Variants in SHC2 observed in about 807,000 individuals in gnomAD.
SHC2 encodes the protein SHC adaptor protein 2, also known as SHC-transforming protein 2.
SHC2 carries 62 observed loss-of-function variants against 60.6 expected under a neutral mutation model. The observed-to-expected ratio is 1.02, with a 90% CI of 0.83 to 1.26. The LOEUF (loss-of-function observed/expected upper bound fraction) is 1.26, where lower values mean the gene tolerates loss of function less well. Among genes scored for constraint, SHC2 ranks in the 50% most tolerant of loss-of-function variants. SHC2 has a pLI of 0.00. For synonymous variants in SHC2, 375 were observed against 372.4 expected (o/e 1.01, Z -0.08); for missense variants, 873 against 822.2 (o/e 1.06, Z -0.76).
intron 9 of SHC2, among the ~76,000 whole-genome samples, chr19:428,302 C>A (rs888532482): frequency 5.9e-5 from 9 of 152,190 alleles, no homozygotes; most frequent in African/African-American, 1.7e-4. Context: ...TGAAATGGCC[C>A]GAGTGCCCCT....
intron 12 of SHC2, among the ~76,000 whole-genome samples, chr19:418,338 G>A (rs1045361464): frequency 7.9e-5 from 12 of 152,252 alleles, no homozygotes; most frequent in Non-Finnish European, 1.6e-4. Flanking sequence ...GCCGACCGCA[G>A]TGTCACGGTC....
chr19:451,891 C>T (rs889726503), intron 1 of SHC2, among the ~76,000 whole-genome samples: 1 of 152,184 alleles, frequency 6.6e-6, no homozygotes, highest in Non-Finnish European at 1.5e-5. Flanking sequence ...GCCTCCGTGC[C>T]TGGCAGCATC....
Position 460,653 on chromosome 19 carries a change from C to A in SHC2, c.344G>T (p.Gly115Val), listed in dbSNP as rs1227439756. 2.6e-6 allele frequency: 3 copies of A among 1,166,960 alleles called. No homozygotes were observed. Among genetic ancestry groups the A allele is most frequent in the Non-Finnish European group, 3.2e-6 (3 of 947,238 alleles). 72.3% of individuals were successfully genotyped at this position (1,166,960 alleles called of 1,614,324 possible). ...RGSRGGRGAA[G>V]SGDAAAAAEW... ...GGCGGCGGCGGCGGCGTCCCCGGAC[C>A]CCGCCGCCCCCCGCCCGCCCCGCGA... is the stretch of plus-strand genomic sequence containing the variant. The change falls in exon 1 of 13, where the codon GGG (glycine) becomes GTG (valine). Residue 115 changes from glycine (G) to valine (V), a missense_variant. By Grantham distance (109) the Gly-to-Val change is moderately radical (BLOSUM62 -3). Transcript: ENST00000264554.
intron 9 of SHC2, among the ~76,000 whole-genome samples, chr19:427,800 ACAGCACACGGAAGGGGG>A (rs1974459306): frequency 1.0e-5 from 1 of 96,448 alleles, no homozygotes; most frequent in African/African-American, 4.3e-5. Flanking sequence ...GGGACGGCGC[ACAGCACACGGAAGGGGG>A]CGGCACAGGG....
chr19:450,393 C>T lies in SHC2; in HGVS notation c.469-9461G>A, dbSNP rs80111375. Among the ~76,000 whole-genome samples, 222 of 152,340 alleles carry T rather than the reference C, an allele frequency of 1.5e-3. 5 individuals carry two copies. The East Asian group carries it at 0.025, about 17-fold the overall frequency. ...AGAGTTTTGACTGTCTTTAATCGCA[C>T]GGTTCAGTGGCACTCAGCGCATTCC... On this transcript the variant is annotated intron_variant, in intron 1 of 12. Transcript: ENST00000264554.
At chr19:447,308 G>A (rs1351406333) in intron 1 of SHC2, among the ~76,000 whole-genome samples, 2 of 152,154 alleles carry the variant, frequency 1.3e-5, no homozygotes, top group Non-Finnish European at 2.9e-5. Flanking sequence ...GATGGGGAGG[G>A]GGTGGAGGGG....
Position 441,647 on chromosome 19 carries a change from CA to C in SHC2, c.469-716del, listed in dbSNP as rs954737179. 3.3e-5 allele frequency among the ~76,000 whole-genome samples: 5 copies of C among 152,178 alleles called. No individual in the cohort carries two copies. The highest frequency in any genetic ancestry group is 1.2e-4 in the African/African-American group (5 of 41,436). ...AAATGTCCTACAGAGGCAGCAAGAG[CA>C]TGTGTGGGTGCCAGGAGCCGGGGAA... is the stretch of plus-strand genomic sequence containing the variant. On this transcript the variant is annotated intron_variant, in intron 1 of 12. Transcript: ENST00000264554. The surrounding 1 kb of genome is among the most constrained non-coding windows in gnomAD (Gnocchi z 4.9).
intron 1 of SHC2, among the ~76,000 whole-genome samples, chr19:459,657 A>T (rs931568344): frequency 6.6e-6 from 1 of 152,136 alleles, no homozygotes; most frequent in Non-Finnish European, 1.5e-5. Context: ...GTGTAGAGGG[A>T]AGGACCCTAC....
chr19:442,635 ATGGATGGATGGG>A (rs1307317073), intron 1 of SHC2, among the ~76,000 whole-genome samples: 1 of 50,638 alleles, frequency 2.0e-5, no homozygotes, highest in Non-Finnish European at 3.0e-5. Context: ...GAATGGGTGG[ATGGATGGATGGG>A]TGGATGGATG....
At chr19:420,755 G>C (rs8112380) in intron 11 of SHC2, among the ~76,000 whole-genome samples, 1 of 151,980 alleles carries the variant, frequency 6.6e-6, no homozygotes, top group South Asian at 2.1e-4. Context: ...GTATATCTTA[G>C]AACTGAAGCA....
Position 436,578 on chromosome 19 carries a change from C to T in SHC2, c.774+52G>A, listed in dbSNP as rs11882638. 3.4e-4 allele frequency: 544 copies of T among 1,589,702 alleles called. 2 individuals carry two copies. In the African/African-American group the frequency reaches 4.5e-3, roughly 13 times the overall value. On this transcript the variant is annotated intron_variant, in intron 5 of 12. Coordinates refer to ENST00000264554, the MANE Select transcript of SHC2 (RefSeq NM_012435.3). ...TCTGGGGAAGGATGAGAGGGTCTCG[C>T]GGCCGGAGGGGGGCGGCAGGGCTGC...
At chr19:458,763 G>A (rs1600335553) in intron 1 of SHC2, among the ~76,000 whole-genome samples, 1 of 145,328 alleles carries the variant, frequency 6.9e-6, no homozygotes, top group Non-Finnish European at 1.5e-5. Context: ...GTCCCGGGGA[G>A]GCGGAGGCGG....
chr19:416,666 G>A lies in SHC2; in HGVS notation c.*662C>T, dbSNP rs73916969. On this transcript the variant is annotated 3_prime_UTR_variant, in exon 13 of 13. Coordinates refer to ENST00000264554, the MANE Select transcript of SHC2 (RefSeq NM_012435.3). ...GGTCGACAGCTGGGAGGGCAGGACT[G>A]GGGGGAAGCTGCTGGGCGCAGCCCA... The A allele has an allele frequency of 9.2e-5, 14 of 152,246 alleles. No individual in the cohort carries two copies. The highest frequency in any genetic ancestry group is 3.9e-4 in the East Asian group (2 of 5,176). 9.4% of individuals were successfully genotyped at this position (152,246 alleles called of 1,614,324 possible).
Position 446,657 on chromosome 19 carries a change from G to A in SHC2, c.469-5725C>T, listed in dbSNP as rs547406182. Among the ~76,000 whole-genome samples, 729 of 152,162 alleles carry A rather than the reference G, an allele frequency of 4.8e-3. 5 individuals are homozygous for A. Among genetic ancestry groups the A allele is most frequent in the Non-Finnish European group, 7.6e-3 (516 of 68,002 alleles). On this transcript the variant is annotated intron_variant, in intron 1 of 12. Coordinates refer to ENST00000264554, the MANE Select transcript of SHC2 (RefSeq NM_012435.3). This position sits in a 1 kb window ranked among gnomAD's most constrained non-coding sequence, Gnocchi z 5.4. ...TGTGGTGGTTTGTGGTGGCAGCCCC[G>A]GGACCCTCCCACAGAAGATGGGGAG...
Position 460,550 on chromosome 19 carries a change from G to A in SHC2, c.447C>T (p.Pro149=), listed in dbSNP as rs1469242068. ...TCACCCGCACGACGTAGGAGACCCC[G>A]GGCCCCAGGACCCTGGCGTCGGGGT... is the stretch of plus-strand genomic sequence containing the variant. ...WLHPDARVLG[P]GVSYVVRYMG... The change falls in exon 1 of 13, where the codon CCC becomes CCT. Residue 149 remains proline, a synonymous_variant. Coordinates refer to ENST00000264554, the MANE Select transcript of SHC2 (RefSeq NM_012435.3). 4 of 1,408,416 alleles carry A rather than the reference G, an allele frequency of 2.8e-6. No homozygotes were observed. Among genetic ancestry groups the A allele is most frequent in the South Asian group, 2.9e-5 (2 of 68,976 alleles). The allele number at this position is 1,408,416 out of a possible 1,614,324, so 87.2% of individuals were successfully genotyped here.
intron 5 of SHC2, 24 bp downstream of exon 5, chr19:436,606 G>A (rs1264093992): frequency 2.5e-6 from 4 of 1,600,006 alleles, no homozygotes; most frequent in Non-Finnish European, 3.4e-6. Flanking sequence ...AGGGCTGCAG[G>A]TCCACCCCCA....
intron 1 of SHC2, among the ~76,000 whole-genome samples, chr19:459,444 G>A (rs1975483200): frequency 2.1e-5 from 3 of 145,532 alleles, no homozygotes; most frequent in African/African-American, 7.9e-5. Flanking sequence ...ACTGAACCCA[G>A]CGTAGGGGGA....
At chr19:427,264 G>A (rs946121633) in intron 9 of SHC2, among the ~76,000 whole-genome samples, 1 of 152,218 alleles carries the variant, frequency 6.6e-6, no homozygotes, top group Non-Finnish European at 1.5e-5. Context: ...TGGGCGAGCC[G>A]ACTGCACAGC....
At position 440,930 on chromosome 19, in the gene SHC2, G is replaced by A. The variant is rs376634085; in HGVS notation, c.471C>T (p.Tyr157=). The change falls in exon 2 of 13, where the codon TAC becomes TAT. Residue 157 remains tyrosine, a splice_region_variant and synonymous_variant. Transcript: ENST00000264554. This position sits in a 1 kb window ranked among gnomAD's most constrained non-coding sequence, Gnocchi z 7.0. ...AGCGGAGAACCTCGATGCAGCCCAT[G>A]TACTGAGGGGAGAGAACAGGTGTCA... ...LGPGVSYVVR[Y]MGCIEVLRSM... is the part of the protein sequence containing the mutation. 7 of 1,612,288 alleles carry A rather than the reference G, an allele frequency of 4.3e-6. No individual in the cohort carries two copies. The highest frequency in any genetic ancestry group is 5.9e-6 in the Non-Finnish European group (7 of 1,179,392).
Sources: gnomAD v4.1 joint callset for allele counts (sites outside exome capture counted in the v4.1 genomes callset) on GRCh38, gnomAD v4.1.1 for gene constraint, Gnocchi (gnomAD v3.1) non-coding constraint, MANE v1.5 for transcripts, NCBI Gene and HGNC (gene_info 2026-07-23, HGNC 2026-07-21) for gene names.